The following ZNF704 variants were observed in gnomAD, a reference collection of about 807,000 sequenced individuals.
ZNF704 encodes glucocorticoid induced gene 1.
ZNF704 carries 10 observed loss-of-function variants against 44.7 expected under a neutral mutation model. The observed-to-expected ratio is 0.22, with a 90% CI of 0.14 to 0.38. The LOEUF is 0.38. Among genes scored for constraint, ZNF704 ranks in the 10% least tolerant of loss-of-function variants. The pLI is 1.00. For synonymous variants in ZNF704, 211 were observed against 207.6 expected, an observed-to-expected ratio of 1.02 and a Z score of -0.14; for missense variants, 390 against 545.5, an observed-to-expected ratio of 0.71 and a Z score of 2.84.
intron 2 of ZNF704, among the ~76,000 whole-genome samples, chr8:80,739,773 T>C (rs187160136): frequency 6.6e-6 from 1 of 152,268 alleles, no homozygotes; most frequent in East Asian, 1.9e-4. Flanking sequence ...TTGCTTCCAG[T>C]GCGGTCTACA....
intron 2 of ZNF704, among the ~76,000 whole-genome samples, chr8:80,693,711 G>C (rs922338396): frequency 3.3e-5 from 5 of 152,150 alleles, no homozygotes; most frequent in Non-Finnish European, 5.9e-5. Context: ...AGGAATGTGC[G>C]GGAATGTTTA....
chr8:80,809,752 T>C (rs1254607471), intron 2 of ZNF704, among the ~76,000 whole-genome samples: 2 of 152,244 alleles, frequency 1.3e-5, no homozygotes, highest in Admixed American at 6.5e-5. Flanking sequence ...TTTACAAATA[T>C]ATTTATTGTT....
intron 6 of ZNF704, among the ~76,000 whole-genome samples, chr8:80,661,071 A>ATTAT (rs1169771203): frequency 6.6e-6 from 1 of 152,242 alleles, no homozygotes; most frequent in Non-Finnish European, 1.5e-5. Flanking sequence ...TATCCAGAAT[A>ATTAT]TACAATGAAT....
At chr8:80,650,211 G>GA (rs201399863) in intron 7 of ZNF704, among the ~76,000 whole-genome samples, 15,983 of 152,118 alleles carry the variant, frequency 0.11, 1,269 homozygotes, top group African/African-American at 0.22. Context: ...CAAAGATGGG[G>GA]AAAAAACAGC....
intron 1 of ZNF704, among the ~76,000 whole-genome samples, chr8:80,842,697 A>G (rs1309650081): frequency 6.6e-6 from 1 of 152,180 alleles, no homozygotes; most frequent in Non-Finnish European, 1.5e-5. Context: ...GAGTAAGCCC[A>G]ATGGGGAGCC....
At chr8:80,749,179 ACT>A (rs1806899331) in intron 2 of ZNF704, among the ~76,000 whole-genome samples, 1 of 151,582 alleles carries the variant, frequency 6.6e-6, no homozygotes, top group Admixed American at 6.6e-5. Flanking sequence ...CCCTTTATTT[ACT>A]CTTTTATTCG....
chr8:80,659,720 T>G (rs1186710137), intron 6 of ZNF704, 31 bp from the exon 7 acceptor site: 1 of 1,598,962 alleles, frequency 6.3e-7, no homozygotes, highest in Middle Eastern at 1.7e-4. Context: ...AAAGCTGTTA[T>G]GAAGGAATAT....
intron 1 of ZNF704, among the ~76,000 whole-genome samples, chr8:80,853,980 A>G (rs1306355397): frequency 1.3e-5 from 2 of 152,244 alleles, no homozygotes; most frequent in East Asian, 1.9e-4. Flanking sequence ...TACTTTGCAG[A>G]TAAGATAAAG....
chr8:80,732,947 T>C (rs1334958442), intron 2 of ZNF704, among the ~76,000 whole-genome samples: 1 of 127,326 alleles, frequency 7.9e-6, no homozygotes. Flanking sequence ...GAGTGAGACC[T>C]TGCCTAAAAA....
intron 2 of ZNF704, among the ~76,000 whole-genome samples, chr8:80,725,591 G>A (rs1806465286): frequency 6.6e-6 from 1 of 152,148 alleles, no homozygotes; most frequent in Non-Finnish European, 1.5e-5. Flanking sequence ...GAAAAGTAAT[G>A]AGGGCCCCAG....
At chr8:80,669,651 G>C (rs1818249336) in intron 5 of ZNF704, among the ~76,000 whole-genome samples, 1 of 152,152 alleles carries the variant, frequency 6.6e-6, no homozygotes, top group African/African-American at 2.4e-5. Context: ...TTATTTCTCT[G>C]CACTTATCTT....
In ZNF704 at chr8:80,631,344, T is replaced by C. The variant is rs1194644630; in HGVS notation, c.*10022A>G. 1 of 152,124 alleles carries C rather than the reference T, an allele frequency of 6.6e-6. No individual in the cohort carries two copies. Among genetic ancestry groups the C allele is most frequent in the African/African-American group, 2.4e-5 (1 of 41,414 alleles). The allele number at this position is 152,124 out of a possible 1,614,324, so 9.4% of individuals were successfully genotyped here. A position where few individuals can be genotyped will look rare whatever the true frequency, so the allele number is the denominator to read the frequency against. ...CCAAAACATAGGAAGGGGGCTCCAG[T>C]GGAGTGAGGGACAAGTGCTTAACAA... On this transcript the variant is annotated 3_prime_UTR_variant, in exon 9 of 9. Coordinates refer to ENST00000327835, the MANE Select transcript of ZNF704 (RefSeq NM_001033723.3).
At chr8:80,849,764 G>A (rs186957375) in intron 1 of ZNF704, among the ~76,000 whole-genome samples, 197 of 152,254 alleles carry the variant, frequency 1.3e-3, no homozygotes, top group Non-Finnish European at 2.2e-3. Context: ...AAGATGATGA[G>A]GTTTTAAGAT....
At chr8:80,772,891 AATGT>A (rs1487892070) in intron 2 of ZNF704, among the ~76,000 whole-genome samples, 1 of 152,082 alleles carries the variant, frequency 6.6e-6, no homozygotes. Flanking sequence ...GGTCTTTTCT[AATGT>A]ATGTATTATC....
rs1454140641 is a variant in ZNF704, at chr8:80,874,345, G to C, written c.-22+226C>G. ...CTCCGCCGCCGCCGCCGCCGCCCGG[G>C]AGCCGCGGGCCGCGCTGCGCTCCAT... is the stretch of plus-strand genomic sequence containing the variant. On this transcript the variant is annotated intron_variant, in intron 1 of 8. Coordinates refer to ENST00000327835, the MANE Select transcript of ZNF704 (RefSeq NM_001033723.3). The surrounding 1 kb of genome is among the most constrained non-coding windows in gnomAD (Gnocchi z 4.4). Among the ~76,000 whole-genome samples, 1 of 145,714 alleles carries C rather than the reference G, an allele frequency of 6.9e-6. No individual in the cohort carries two copies. The highest frequency in any genetic ancestry group is 2.5e-5 in the African/African-American group (1 of 40,742).
chr8:80,843,542 G>A (rs76223875), intron 1 of ZNF704, among the ~76,000 whole-genome samples: 2,861 of 152,316 alleles, frequency 0.019, 91 homozygotes, highest in African/African-American at 0.065. Context: ...TTTACAGCCA[G>A]AAACATGTAC....
At chr8:80,764,370 AAG>A (rs1807191594) in intron 2 of ZNF704, among the ~76,000 whole-genome samples, 1 of 152,198 alleles carries the variant, frequency 6.6e-6, no homozygotes, top group South Asian at 2.1e-4. Context: ...GCATGACGGC[AAG>A]AGAGAGAAGT....
chr8:80,678,328 G>A (rs990212157), intron 4 of ZNF704, among the ~76,000 whole-genome samples: 3 of 147,084 alleles, frequency 2.0e-5, no homozygotes, highest in African/African-American at 5.4e-5. Flanking sequence ...CTTTCTCCTC[G>A]ACCTCTTCCT....
intron 3 of ZNF704, 39 bp from the exon 4 acceptor site, chr8:80,687,497 C>T (rs910998033): frequency 5.6e-6 from 8 of 1,424,550 alleles, no homozygotes; most frequent in African/African-American, 1.4e-5. Context: ...AGGACCCCTG[C>T]GTGCCCGGGC....
Sources: allele counts gnomAD v4.1 joint callset (sites outside exome capture counted in the v4.1 genomes callset), GRCh38; gene constraint gnomAD v4.1.1; non-coding constraint Gnocchi (gnomAD v3.1); transcripts MANE v1.5; gene names NCBI Gene and HGNC (gene_info 2026-07-23, HGNC 2026-07-21).